Variants in PLEKHA2 observed in about 807,000 individuals in gnomAD.
The protein encoded by PLEKHA2 is pleckstrin homology domain-containing family A member 2.
A neutral mutation model predicts 53.2 loss-of-function variants in PLEKHA2; 28 were observed. The observed-to-expected ratio is 0.53, with a 90% confidence interval of 0.39 to 0.72. The LOEUF is 0.72. Among genes scored for constraint, PLEKHA2 ranks in the 30% least tolerant of loss-of-function variants. The pLI is 0.00. For synonymous variants in PLEKHA2, 193 were observed against 196.4 expected (o/e 0.98, Z 0.14); for missense variants, 426 against 537.9 (o/e 0.79, Z 2.06).
intron 9 of PLEKHA2, among the ~76,000 whole-genome samples, chr8:38,954,362 G>A (rs569134606): frequency 2.1e-4 from 32 of 152,186 alleles, no homozygotes; most frequent in Non-Finnish European, 4.1e-4. Flanking sequence ...CCAGAAGTGT[G>A]GCTCTAGAAG....
At chr8:38,941,657 G>C (rs1280658905) in intron 3 of PLEKHA2, among the ~76,000 whole-genome samples, 3 of 152,184 alleles carry the variant, frequency 2.0e-5, no homozygotes, top group Non-Finnish European at 4.4e-5. Context: ...GTGGAGTGAG[G>C]CTTTAAAGGA....
chr8:38,949,580 A>G (rs2129421828), intron 5 of PLEKHA2, among the ~76,000 whole-genome samples: 1 of 152,368 alleles, frequency 6.6e-6, no homozygotes, highest in South Asian at 2.1e-4. Context: ...GTGATTTCCA[A>G]CTAACAATAA....
rs1834987340 is a variant in PLEKHA2 at position 38,958,741 on chromosome 8, G to A, written c.837+1355G>A. On this transcript the variant is annotated intron_variant, in intron 10 of 11. Coordinates refer to ENST00000617275, the MANE Select transcript of PLEKHA2 (RefSeq NM_021623.2). ...GTTTAACCTGTAGATTGCTCTACAA[G>A]TTTGTAGTTCTTGCATTCAACAGAT... Among the ~76,000 whole-genome samples the A allele has an allele frequency of 2.0e-5, 3 of 152,232 alleles. No individual in the cohort carries two copies. In the South Asian group the frequency reaches 6.2e-4, roughly 31 times the overall value.
At chr8:38,936,126 T>C in intron 3 of PLEKHA2, 76 bp downstream of exon 3, 1 of 1,474,344 alleles carries the variant, frequency 6.8e-7, no homozygotes, top group Middle Eastern at 1.8e-4. Context: ...AAGTGTCCAG[T>C]CCTTTGGGCA....
chr8:38,968,937 C>T (rs1453504092), intron 11 of PLEKHA2: 48 of 383,470 alleles, frequency 1.3e-4, no homozygotes, highest in Non-Finnish European at 1.5e-4. Flanking sequence ...CTCACTCTGT[C>T]GCCCAGACTG....
chr8:38,910,348 G>T (rs976496320), intron 1 of PLEKHA2, among the ~76,000 whole-genome samples: 2 of 152,156 alleles, frequency 1.3e-5, no homozygotes, highest in Non-Finnish European at 2.9e-5. Flanking sequence ...GAGAGGGAGA[G>T]AGAGAATGAA....
intron 2 of PLEKHA2, among the ~76,000 whole-genome samples, chr8:38,930,160 GGCATTGTCT>G (rs1254638123): frequency 6.6e-6 from 1 of 152,004 alleles, no homozygotes; most frequent in Non-Finnish European, 1.5e-5. Flanking sequence ...GGAAGGTACT[GGCATTGTCT>G]GCATAAAACC....
At chr8:38,951,013 CG>C in intron 6 of PLEKHA2, 23 bp downstream of exon 6, 1 of 1,332,574 alleles carries the variant, frequency 7.5e-7, no homozygotes, top group Non-Finnish European at 9.8e-7. Context: ...ACTGGGGCTG[CG>C]GGGGGAGTGG....
chr8:38,941,150 G>A (rs1007285086), intron 3 of PLEKHA2, among the ~76,000 whole-genome samples: 1 of 151,690 alleles, frequency 6.6e-6, no homozygotes, highest in African/African-American at 2.4e-5. Context: ...TCCATCTCCC[G>A]GGTTCAAGCG....
At chr8:38,939,152 C>T (rs1366782859) in intron 3 of PLEKHA2, among the ~76,000 whole-genome samples, 1 of 152,172 alleles carries the variant, frequency 6.6e-6, no homozygotes, top group East Asian at 1.9e-4. Context: ...GATCCGCCTG[C>T]CTTGGCCTCC....
chr8:38,936,083 C>T, intron 3 of PLEKHA2, 33 bp downstream of exon 3: 1 of 1,600,806 alleles, frequency 6.2e-7, no homozygotes, highest in Non-Finnish European at 8.6e-7. Flanking sequence ...GGAATTCATG[C>T]TCTGTAAGTC....
chr8:38,908,127 ACAGCT>A (rs1255687585), intron 1 of PLEKHA2, among the ~76,000 whole-genome samples: 1 of 152,188 alleles, frequency 6.6e-6, no homozygotes, highest in Non-Finnish European at 1.5e-5. Flanking sequence ...TTTTCAAGGT[ACAGCT>A]CATGTGTTGT....
In PLEKHA2 at chr8:38,971,708, C is replaced by G. The variant is rs2129426012; in HGVS notation, c.*1925C>G. On this transcript the variant is annotated 3_prime_UTR_variant, in exon 12 of 12. Transcript: ENST00000617275. ...AGGTGGCTCACGCCTGTAATCCCAG[C>G]ACTTTGGGAGGCCGAGGCGAGCGGA... is the stretch of plus-strand genomic sequence containing the variant. The G allele has an allele frequency of 6.6e-6, 1 of 152,294 alleles. No homozygotes were observed. The highest frequency in any genetic ancestry group is 1.9e-4 in the East Asian group (1 of 5,184). 9.4% of individuals were successfully genotyped at this position (152,294 alleles called of 1,614,324 possible).
At chr8:38,938,852 C>T (rs745553758) in intron 3 of PLEKHA2, among the ~76,000 whole-genome samples, 4 of 152,210 alleles carry the variant, frequency 2.6e-5, no homozygotes, top group South Asian at 4.1e-4. Context: ...GAGGTGAAGC[C>T]ACCACGTCTC....
At chr8:38,934,639 C>A (rs996898489) in intron 2 of PLEKHA2, among the ~76,000 whole-genome samples, 4 of 152,080 alleles carry the variant, frequency 2.6e-5, no homozygotes, top group African/African-American at 9.7e-5. Context: ...ACTGCTTCAT[C>A]CCTGCCAGTG....
intron 2 of PLEKHA2, among the ~76,000 whole-genome samples, chr8:38,926,841 G>A (rs1006575385): frequency 6.6e-6 from 1 of 152,146 alleles, no homozygotes; most frequent in Non-Finnish European, 1.5e-5. Context: ...CTTGAACCCG[G>A]GAGGCAGAGG....
rs1442309853 is a variant in PLEKHA2, at chr8:38,973,472, A to G, written c.*3689A>G. ...TAGGTTTGTTTTCAGTATAAATTAGATAACATGTGGAGGTCACAGCATTTT... is the reference window on the plus strand; with the variant it reads ...TAGGTTTGTTTTCAGTATAAATTAGGTAACATGTGGAGGTCACAGCATTTT... On this transcript the variant is annotated 3_prime_UTR_variant, in exon 12 of 12. Coordinates refer to ENST00000617275, the MANE Select transcript of PLEKHA2 (RefSeq NM_021623.2). 1.3e-5 allele frequency: 2 copies of G among 151,908 alleles called. No homozygotes were observed. Among genetic ancestry groups the G allele is most frequent in the Non-Finnish European group, 2.9e-5 (2 of 67,996 alleles). The allele number at this position is 151,908 out of a possible 1,614,324, so 9.4% of individuals were successfully genotyped here.
intron 10 of PLEKHA2, among the ~76,000 whole-genome samples, chr8:38,962,751 A>G (rs938131142): frequency 1.1e-4 from 16 of 152,378 alleles, no homozygotes; most frequent in African/African-American, 3.4e-4. Context: ...TTAGCTTGGC[A>G]TAAGCCCAGT....
intron 7 of PLEKHA2, 120 bp downstream of exon 7, chr8:38,952,432 C>T: frequency 6.9e-7 from 1 of 1,442,662 alleles, no homozygotes; most frequent in Non-Finnish European, 9.3e-7. Context: ...ATGGAGCCTC[C>T]ACCTTTGAGG....
Sources: gnomAD v4.1 joint callset for allele counts (sites outside exome capture counted in the v4.1 genomes callset) on GRCh38, gnomAD v4.1.1 for gene constraint, MANE v1.5 for transcripts, NCBI Gene and HGNC (gene_info 2026-07-23, HGNC 2026-07-21) for gene names.